The following LUZP2 variants were observed in gnomAD, a reference collection of about 807,000 sequenced individuals.
LUZP2 encodes the protein leucine zipper protein 2.
Under a neutral mutation model 51.6 loss-of-function variants are expected in LUZP2, and 52 were observed. The ratio of observed to expected loss-of-function variants is 1.01; its 90% CI spans 0.81 to 1.27. The LOEUF (loss-of-function observed/expected upper bound fraction) is 1.27. LUZP2 is among the 50% of genes most tolerant of loss of function. LUZP2 has a pLI of 0.00. For missense variants in LUZP2, 436 were observed against 395.4 expected (o/e 1.10, Z -0.87); for synonymous variants, 154 against 137.3 (o/e 1.12, Z -0.85).
chr11:24,716,014 C>A (rs11028115), intron 1 of LUZP2, among the ~76,000 whole-genome samples: 1 of 151,916 alleles, frequency 6.6e-6, no homozygotes, highest in Admixed American at 6.6e-5. Context: ...GTCCACTACA[C>A]CTATATTTCT....
chr11:24,578,195 T>C (rs1338234961), intron 1 of LUZP2, among the ~76,000 whole-genome samples: 1 of 152,092 alleles, frequency 6.6e-6, no homozygotes, highest in Non-Finnish European at 1.5e-5. Flanking sequence ...ACTTATTTCT[T>C]GAGGAGTAAG....
chr11:24,786,525 A>G, intron 5 of LUZP2: 3 of 715,974 alleles, frequency 4.2e-6, no homozygotes, highest in Non-Finnish European at 5.1e-6. Context: ...GTATATTTGT[A>G]TATACACAAA....
At chr11:24,961,291 C>T (rs2133879833) in intron 7 of LUZP2, among the ~76,000 whole-genome samples, 1 of 152,176 alleles carries the variant, frequency 6.6e-6, no homozygotes, top group South Asian at 2.1e-4. Context: ...AGTTCAATTC[C>T]TCGGTATTCT....
intron 1 of LUZP2, among the ~76,000 whole-genome samples, chr11:24,572,135 G>C (rs1852464462): frequency 6.6e-6 from 1 of 152,108 alleles, no homozygotes; most frequent in Non-Finnish European, 1.5e-5. Flanking sequence ...AAGTGATGAT[G>C]TCAGGCCATC....
chr11:24,997,828 T>C (rs920258158), intron 9 of LUZP2, among the ~76,000 whole-genome samples: 6 of 152,202 alleles, frequency 3.9e-5, no homozygotes, highest in Non-Finnish European at 8.8e-5. Context: ...AGTTTTAGCT[T>C]TCTACATATG....
chr11:25,047,605 G>T (rs199723209), intron 9 of LUZP2, among the ~76,000 whole-genome samples: 1 of 151,582 alleles, frequency 6.6e-6, no homozygotes, highest in Non-Finnish European at 1.5e-5. Flanking sequence ...TCTAACCCTT[G>T]TTCAGAACAT....
At chr11:24,704,285 A>C (rs1164325151) in intron 1 of LUZP2, among the ~76,000 whole-genome samples, 1 of 152,176 alleles carries the variant, frequency 6.6e-6, no homozygotes. Context: ...ATTTTGCTAA[A>C]AATTAGCTTA....
At chr11:24,528,992 C>G (rs1850906971) in intron 1 of LUZP2, among the ~76,000 whole-genome samples, 1 of 150,966 alleles carries the variant, frequency 6.6e-6, no homozygotes, top group African/African-American at 2.4e-5. Flanking sequence ...ACATCCTAAC[C>G]AGACTTCTTA....
At chr11:24,589,959 C>A (rs555984171) in intron 1 of LUZP2, among the ~76,000 whole-genome samples, 2 of 152,038 alleles carry the variant, frequency 1.3e-5, no homozygotes, top group Admixed American at 1.3e-4. Context: ...AGTGCTTTAT[C>A]CTAAGTTTGA....
chr11:24,946,583 G>A (rs1477018333), intron 7 of LUZP2, among the ~76,000 whole-genome samples: 1 of 151,692 alleles, frequency 6.6e-6, no homozygotes, highest in Admixed American at 6.6e-5. Context: ...TTTATTTCTA[G>A]TGAAGAATAG....
intron 5 of LUZP2, among the ~76,000 whole-genome samples, chr11:24,854,997 C>T (rs1274836602): frequency 6.6e-6 from 1 of 152,114 alleles, no homozygotes; most frequent in African/African-American, 2.4e-5. Flanking sequence ...GAGCTGGGTA[C>T]CTCAGTTGGA....
chr11:24,724,433 G>A (rs1227728462), intron 1 of LUZP2, among the ~76,000 whole-genome samples: 1 of 151,964 alleles, frequency 6.6e-6, no homozygotes, highest in Non-Finnish European at 1.5e-5. Flanking sequence ...TTAGCTGGGG[G>A]TAGTGACGTG....
intron 4 of LUZP2, among the ~76,000 whole-genome samples, chr11:24,739,517 T>C (rs1182697489): frequency 6.6e-6 from 1 of 152,064 alleles, no homozygotes; most frequent in Admixed American, 6.6e-5. Flanking sequence ...ATGATTGGGT[T>C]GTTCAGAGCA....
intron 5 of LUZP2, among the ~76,000 whole-genome samples, chr11:24,833,203 T>C (rs1365109533): frequency 6.6e-6 from 1 of 152,296 alleles, no homozygotes; most frequent in Middle Eastern, 3.4e-3. Flanking sequence ...AAAGACCTAC[T>C]GTCTAGAATG....
chr11:24,618,562 T>G (rs1174573294), intron 1 of LUZP2, among the ~76,000 whole-genome samples: 1 of 152,202 alleles, frequency 6.6e-6, no homozygotes, highest in Non-Finnish European at 1.5e-5. Context: ...ACAACATGCT[T>G]CTGTTGGAGC....
At chr11:24,849,561 T>G (rs760102889) in intron 5 of LUZP2, among the ~76,000 whole-genome samples, 1 of 152,190 alleles carries the variant, frequency 6.6e-6, no homozygotes, top group Non-Finnish European at 1.5e-5. Flanking sequence ...AAGTCTGCTA[T>G]TGTGAGCAGT....
rs539230248 is a variant in LUZP2, at chr11:24,963,661, T to C, written c.523-12930T>C. Among the ~76,000 whole-genome samples, 531 of 152,284 alleles carry C rather than the reference T, an allele frequency of 3.5e-3. 1 individual carries two copies. Among genetic ancestry groups the C allele is most frequent in the Non-Finnish European group, 5.6e-3 (382 of 68,018 alleles). On this transcript the variant is annotated intron_variant, in intron 7 of 11. Transcript: ENST00000336930. ...GGGAGTGACCCGATTTTCCAGGTGCTGTCTGTCACCCCTTTCTTTGACTAG... is the reference window on the plus strand; with the variant it reads ...GGGAGTGACCCGATTTTCCAGGTGCCGTCTGTCACCCCTTTCTTTGACTAG...
intron 1 of LUZP2, among the ~76,000 whole-genome samples, chr11:24,665,902 A>G (rs530350354): frequency 6.6e-6 from 1 of 152,232 alleles, no homozygotes; most frequent in South Asian, 2.1e-4. Context: ...TTATAGTCTT[A>G]TCATTTGTTA....
chr11:24,535,146 A>G (rs1163349240), intron 1 of LUZP2, among the ~76,000 whole-genome samples: 1 of 151,612 alleles, frequency 6.6e-6, no homozygotes, highest in East Asian at 1.9e-4. Flanking sequence ...TTAAAAAAAA[A>G]AAAGGTAGTA....
Sources: gnomAD v4.1 joint callset for allele counts (sites outside exome capture counted in the v4.1 genomes callset) on GRCh38, gnomAD v4.1.1 for gene constraint, MANE v1.5 for transcripts, NCBI Gene and HGNC (gene_info 2026-07-23, HGNC 2026-07-21) for gene names.